CHMP4C: variants seen among roughly 807,000 people sequenced by gnomAD.
CHMP4C encodes the protein charged multivesicular body protein 4C, also known as SNF7 homolog associated with Alix 3.
A neutral mutation model predicts 29.0 loss-of-function variants in CHMP4C; 28 were observed. The observed-to-expected ratio is 0.97, with a 90% CI of 0.72 to 1.32. The LOEUF is 1.32. Ranked by LOEUF, CHMP4C falls within the 40% of genes most tolerant of loss-of-function variation. The pLI is 0.00. For synonymous variants in CHMP4C, 106 were observed against 102.4 expected (o/e 1.04, Z -0.21); for missense variants, 291 against 281.0 (o/e 1.04, Z -0.25).
In CHMP4C at chr8:81,745,483, CA is replaced by C. The variant is rs1160404482; in HGVS notation, c.191-7577del. On this transcript the variant is annotated intron_variant, in intron 1 of 4. Transcript: ENST00000297265. ...CGAAGAACAGGTTGACTTTTAAAAC[CA>C]AAATGTCCTATACATTACATGAGCA... Among the ~76,000 whole-genome samples, 3 of 152,124 alleles carry C rather than the reference CA, an allele frequency of 2.0e-5. No individual in the cohort carries two copies. In the East Asian group the frequency reaches 5.8e-4, roughly 29 times the overall value.
intron 1 of CHMP4C, among the ~76,000 whole-genome samples, chr8:81,741,868 C>T (rs1274724733): frequency 1.3e-5 from 2 of 152,160 alleles, no homozygotes; most frequent in East Asian, 1.9e-4. Flanking sequence ...AACAAATACA[C>T]AGTTAGTTTA....
rs369572141 is a variant in CHMP4C, at chr8:81,742,425, G to C, written c.190+9609G>C. 3.9e-5 allele frequency among the ~76,000 whole-genome samples: 6 copies of C among 152,302 alleles called. No individual in the cohort carries two copies. In the East Asian group the frequency reaches 9.6e-4, roughly 24 times the overall value. On this transcript the variant is annotated intron_variant, in intron 1 of 4. Coordinates refer to ENST00000297265, the MANE Select transcript of CHMP4C (RefSeq NM_152284.4). ...ATTTAAAAATTAAAATTCAATGTCA[G>C]CTATCTAGCTTAAATGAAATAAAGT...
chr8:81,753,419 C>A (rs1563622913), intron 2 of CHMP4C, among the ~76,000 whole-genome samples, 178 bp downstream of exon 2: 1 of 152,036 alleles, frequency 6.6e-6, no homozygotes, highest in Non-Finnish European at 1.5e-5. Context: ...CAAAAAAGAC[C>A]ATGAAAAAAG....
intron 1 of CHMP4C, among the ~76,000 whole-genome samples, chr8:81,752,418 G>T (rs768998749): frequency 1.3e-5 from 2 of 152,120 alleles, no homozygotes; most frequent in Admixed American, 6.6e-5. Flanking sequence ...AGATTATTTG[G>T]TTATCATTTC....
At chr8:81,734,003 C>A (rs1031219364) in intron 1 of CHMP4C, among the ~76,000 whole-genome samples, 1 of 152,168 alleles carries the variant, frequency 6.6e-6, no homozygotes, top group Admixed American at 6.5e-5. Flanking sequence ...CATTTATGCC[C>A]ACTTACCACC....
chr8:81,739,266 T>A (rs901527598), intron 1 of CHMP4C, among the ~76,000 whole-genome samples: 4 of 151,980 alleles, frequency 2.6e-5, no homozygotes, highest in Non-Finnish European at 5.9e-5. Context: ...CCAGCTATTT[T>A]TTTTTTAATT....
At chr8:81,736,054 C>A (rs1433022919) in intron 1 of CHMP4C, among the ~76,000 whole-genome samples, 1 of 151,206 alleles carries the variant, frequency 6.6e-6, no homozygotes, top group Admixed American at 6.6e-5. Context: ...CCATTGCACT[C>A]CAGCCTGAGC....
At chr8:81,741,773 A>G (rs1193185724) in intron 1 of CHMP4C, among the ~76,000 whole-genome samples, 1 of 152,210 alleles carries the variant, frequency 6.6e-6, no homozygotes, top group African/African-American at 2.4e-5. Context: ...CTGCTTTAGT[A>G]AACTTAACTA....
chr8:81,758,024 T>C, intron 3 of CHMP4C, 118 bp from the exon 4 acceptor site: 1 of 878,494 alleles, frequency 1.1e-6, no homozygotes, highest in African/African-American at 1.7e-5. Flanking sequence ...AAAATAAATA[T>C]TCCATTTCAC....
intron 1 of CHMP4C, among the ~76,000 whole-genome samples, chr8:81,751,599 GA>G (rs991066023): frequency 6.6e-5 from 10 of 151,716 alleles, no homozygotes; most frequent in Non-Finnish European, 7.4e-5. Flanking sequence ...CAATTAAAGG[GA>G]AAAAATGAAC....
intron 3 of CHMP4C, among the ~76,000 whole-genome samples, chr8:81,757,256 A>C (rs1808984056): frequency 6.6e-6 from 1 of 152,208 alleles, no homozygotes; most frequent in African/African-American, 2.4e-5. Context: ...GAATTTGTTG[A>C]ATAATGAATG....
chr8:81,749,090 T>A (rs1427738026), intron 1 of CHMP4C, among the ~76,000 whole-genome samples: 1 of 152,162 alleles, frequency 6.6e-6, no homozygotes, highest in Non-Finnish European at 1.5e-5. Flanking sequence ...AATCACTATT[T>A]CCAGAACAGC....
chr8:81,751,562 A>G lies in CHMP4C; in HGVS notation c.191-1502A>G, dbSNP rs183916937. On this transcript the variant is annotated intron_variant, in intron 1 of 4. Transcript: ENST00000297265. Reference sequence around the variant, plus strand: ...TGTCTTAAGGGTATCCATTAAGAGAAAAAATTCAGTATATACAATTGCCCA... The same window carrying G: ...TGTCTTAAGGGTATCCATTAAGAGAGAAAATTCAGTATATACAATTGCCCA... Among the ~76,000 whole-genome samples, 25 of 152,254 alleles carry G rather than the reference A, an allele frequency of 1.6e-4. No homozygotes were observed. In the East Asian group the frequency reaches 4.6e-3, roughly 28 times the overall value.
intron 1 of CHMP4C, among the ~76,000 whole-genome samples, chr8:81,739,298 C>T (rs1808731463): frequency 6.7e-6 from 1 of 149,862 alleles, no homozygotes; most frequent in Admixed American, 6.7e-5. Flanking sequence ...CGGTTTTCAC[C>T]CTGTGTCAGA....
rs138318450 is a variant in CHMP4C, at chr8:81,749,196, CTCTT to C, written c.191-3865_191-3862del. On this transcript the variant is annotated intron_variant, in intron 1 of 4. Transcript: ENST00000297265. ...TGCACTCTGGTGTTGAAAGGCCACACTCTTTCCATTATATCATGCTGTCCTTGTT... is the reference window on the plus strand; with the variant it reads ...TGCACTCTGGTGTTGAAAGGCCACACTCCATTATATCATGCTGTCCTTGTT... Among the ~76,000 whole-genome samples the C allele has an allele frequency of 9.7e-3, 1,473 of 152,288 alleles. 24 individuals carry two copies. The highest frequency in any genetic ancestry group is 0.033 in the African/African-American group (1,392 of 41,558).
rs1419212291 is a variant in CHMP4C at position 81,732,609 on chromosome 8, C to T, written c.-18C>T. On this transcript the variant is annotated 5_prime_UTR_variant, in exon 1 of 5. Coordinates refer to ENST00000297265, the MANE Select transcript of CHMP4C (RefSeq NM_152284.4). ...CCGAGAGGCCCCCGGGATCGCTGGC[C>T]CTCCGAACTCCACAGCAATGAGCAA... The T allele has an allele frequency of 1.3e-6, 2 of 1,522,918 alleles. No homozygotes were observed. The highest frequency in any genetic ancestry group is 4.9e-5 in the East Asian group (2 of 40,666). 94.3% of individuals were successfully genotyped at this position (1,522,918 alleles called of 1,614,324 possible).
At chr8:81,733,141 T>G (rs944396479) in intron 1 of CHMP4C, among the ~76,000 whole-genome samples, 2 of 152,224 alleles carry the variant, frequency 1.3e-5, no homozygotes, top group South Asian at 2.1e-4. Flanking sequence ...AGATTGGTAT[T>G]GATTTTTTTC....
intron 3 of CHMP4C, among the ~76,000 whole-genome samples, chr8:81,757,515 A>T (rs1381622098): frequency 6.6e-6 from 1 of 152,204 alleles, no homozygotes; most frequent in Non-Finnish European, 1.5e-5. Flanking sequence ...GTCTCAAACT[A>T]GCCTTGTCTC....
chr8:81,756,328 A>C (rs1486721807), intron 3 of CHMP4C, among the ~76,000 whole-genome samples: 1 of 152,202 alleles, frequency 6.6e-6, no homozygotes, highest in Non-Finnish European at 1.5e-5. Context: ...AACAATAACA[A>C]CAAAGGAGAC....
Sources: gnomAD v4.1 joint callset for allele counts (sites outside exome capture counted in the v4.1 genomes callset) on GRCh38, gnomAD v4.1.1 for gene constraint, MANE v1.5 for transcripts, NCBI Gene and HGNC (gene_info 2026-07-23, HGNC 2026-07-21) for gene names.